GGT1: variants seen among roughly 807,000 people sequenced by gnomAD.
GGT1 encodes the protein gamma-glutamyltransferase 1, also known as glutathione hydrolase 1 proenzyme.
In GGT1, 21 loss-of-function variants were observed where a neutral mutation model predicts 56.0. The ratio of observed to expected loss-of-function variants is 0.38; its 90% CI spans 0.27 to 0.54. The LOEUF is 0.54. Among genes scored for constraint, GGT1 ranks in the 20% least tolerant of loss-of-function variants. GGT1 has a pLI of 0.82. For synonymous variants in GGT1, 238 were observed against 342.6 expected (o/e 0.69, Z 3.37); for missense variants, 466 against 787.0 (o/e 0.59, Z 4.88).
At chr22:24,594,369 C>T (rs5760487), upstream of GGT1, among the ~76,000 whole-genome samples, 1,169 of 148,162 alleles carry the variant, frequency 7.9e-3, 37 homozygotes, top group East Asian at 0.092. Context: ...ATATGAGGGA[C>T]GACAGCCAAG....
At chr22:24,596,799 G>C (rs2045699989) in intron 1 of GGT1, among the ~76,000 whole-genome samples, 1 of 148,360 alleles carries the variant, frequency 6.7e-6, no homozygotes, top group South Asian at 2.1e-4. Flanking sequence ...TGTAGTCCCA[G>C]CTACTTGGGA....
At chr22:24,593,918 C>A (rs2045643675), upstream of GGT1, among the ~76,000 whole-genome samples, 1 of 152,242 alleles carries the variant, frequency 6.6e-6, no homozygotes, top group South Asian at 2.1e-4. Context: ...GGGGCAGGCC[C>A]CCACCTCTGA....
chr22:24,611,391 C>T, intron 5 of GGT1, 146 bp downstream of exon 5: 1 of 653,934 alleles, frequency 1.5e-6, no homozygotes, highest in Non-Finnish European at 2.8e-6. Flanking sequence ...GACAGTGACT[C>T]CGAGAGCAGG....
At chr22:24,589,933 C>A (rs754238054), upstream of GGT1, 2 of 1,604,632 alleles carry the variant, frequency 1.2e-6, no homozygotes, top group South Asian at 2.2e-5. Context: ...AAGGAGGGTC[C>A]TCTCAAGGCC....
Position 24,623,846 on chromosome 22 carries a change from T to A in GGT1, c.950T>A (p.Val317Glu), listed in dbSNP as rs200607258. 1 of 1,611,716 alleles carries A rather than the reference T, an allele frequency of 6.2e-7. No homozygotes were observed. Among genetic ancestry groups the A allele is most frequent in the Non-Finnish European group, 8.5e-7 (1 of 1,179,828 alleles). ...EQKGLTYHRI[V>E]EAFRFAYAKR... ...AAGGGCCTGACGTACCACCGCATCG[T>A]AGAGGCTTTCCGGTTTGCCTACGCC... The change falls in exon 11 of 16, where the codon GTA becomes GAA. Residue 317 changes from valine to glutamate, a missense_variant. By Grantham distance (121) the Val-to-Glu change is moderately radical. Transcript: ENST00000400382.
At chr22:24,589,640 T>C in the GGT1 span, 2 of 712,118 alleles carry the variant, frequency 2.8e-6, no homozygotes, top group South Asian at 4.2e-5. Flanking sequence ...ACACTTGCTC[T>C]AGCTGGTGGC....
chr22:24,623,315 C>T (rs1037246274), intron 10 of GGT1, 59 bp downstream of exon 10: 9 of 1,426,720 alleles, frequency 6.3e-6, no homozygotes, highest in Middle Eastern at 2.5e-4. Context: ...TCTCTCCCCA[C>T]GCCCCACCCC....
intron 1 of GGT1, among the ~76,000 whole-genome samples, chr22:24,605,744 GTGTATTATATATTATATAATATTATATA>G (rs2046184530): frequency 1.5e-5 from 1 of 66,406 alleles, no homozygotes; most frequent in Non-Finnish European, 2.3e-5. Flanking sequence ...ATTATATAAT[GTGTATTATATATTATATAATATTATATA>G]ATGTGTATTA....
chr22:24,589,251 T>G, the GGT1 span: 39 of 1,270,154 alleles, frequency 3.1e-5, no homozygotes, highest in Non-Finnish European at 3.7e-5. Context: ...GCTGTCAGCA[T>G]GGGGTTCTGG....
At chr22:24,606,989 A>G (rs2046363068) in intron 1 of GGT1, among the ~76,000 whole-genome samples, 1 of 150,504 alleles carries the variant, frequency 6.6e-6, no homozygotes, top group South Asian at 2.1e-4. Context: ...AGCACTGTCC[A>G]AAGTCCCCTG....
chr22:24,595,416 T>A (rs1191992366), intron 1 of GGT1, among the ~76,000 whole-genome samples: 2 of 152,224 alleles, frequency 1.3e-5, no homozygotes, highest in African/African-American at 4.8e-5. Flanking sequence ...CACGGAGGGC[T>A]GCTGGCCCGT....
In GGT1 at chr22:24,616,929, A is replaced by G. The variant is rs189422149; in HGVS notation, c.382+1802A>G. The stretch of plus-strand genomic sequence containing the variant: ...CTCAGGGTAAGAGAATGCGGGAATC[A>G]TAGGCTTGGCACCTTGTGGACTCTT... On this transcript the variant is annotated intron_variant, in intron 7 of 15. Coordinates refer to ENST00000400382, the MANE Select transcript of GGT1 (RefSeq NM_001288833.2). Among the ~76,000 whole-genome samples, 27 of 152,276 alleles carry G rather than the reference A, an allele frequency of 1.8e-4. No homozygotes were observed. In the East Asian group the frequency reaches 3.1e-3, roughly 17 times the overall value.
intron 1 of GGT1, among the ~76,000 whole-genome samples, chr22:24,604,115 G>A (rs2045877266): frequency 1.3e-5 from 2 of 151,790 alleles, no homozygotes; most frequent in South Asian, 4.2e-4. Flanking sequence ...CAGGGCTGTA[G>A]GCAGTCCTGG....
rs539496353 is a variant in GGT1, at chr22:24,625,417, G to A, written c.1020+1501G>A. Among the ~76,000 whole-genome samples, 5 of 152,236 alleles carry A rather than the reference G, an allele frequency of 3.3e-5. No homozygotes were observed. The South Asian group carries it at 8.3e-4, about 25-fold the overall frequency. ...GCCCCCTGAACAGCTGGGACCAGAG[G>A]CACGTGCCACCAAACCTGGATAATT... On this transcript the variant is annotated intron_variant, in intron 11 of 15. Transcript: ENST00000400382.
chr22:24,604,813 G>A (rs1229911234), intron 1 of GGT1, among the ~76,000 whole-genome samples: 1 of 149,862 alleles, frequency 6.7e-6, no homozygotes, highest in Non-Finnish European at 1.5e-5. Context: ...CTATTAACAT[G>A]TCCTTTGATA....
chr22:24,587,703 G>A, the GGT1 span, among the ~76,000 whole-genome samples: 34 of 152,332 alleles, frequency 2.2e-4, no homozygotes, highest in East Asian at 9.6e-4. Flanking sequence ...GGGCAGCCAC[G>A]GAAGCCTCAG....
At chr22:24,621,292 G>C (rs886600219) in intron 9 of GGT1, among the ~76,000 whole-genome samples, 1 of 152,056 alleles carries the variant, frequency 6.6e-6, no homozygotes, top group Non-Finnish European at 1.5e-5. Flanking sequence ...GTAAATGCAG[G>C]TGTAGGCAAG....
intron 5 of GGT1, among the ~76,000 whole-genome samples, chr22:24,612,068 G>A (rs1241726769): frequency 1.3e-5 from 2 of 152,074 alleles, no homozygotes; most frequent in Middle Eastern, 3.4e-3. Context: ...GCCTCTCAAA[G>A]TGCTGGGATT....
At chr22:24,597,684 A>ACACACACACAC (rs60798811) in intron 1 of GGT1, among the ~76,000 whole-genome samples, 2,318 of 148,804 alleles carry the variant, frequency 0.016, 65 homozygotes, top group African/African-American at 0.054. Context: ...CCATCTCAAA[A>ACACACACACAC]ACACACACAC....
Sources: gnomAD v4.1 joint callset for allele counts (sites outside exome capture counted in the v4.1 genomes callset) on GRCh38, gnomAD v4.1.1 for gene constraint, MANE v1.5 for transcripts, NCBI Gene and HGNC (gene_info 2026-07-23, HGNC 2026-07-21) for gene names.